Variants in PDE1C observed in about 807,000 individuals in gnomAD.
PDE1C encodes dual specificity calcium/calmodulin-dependent 3',5'-cyclic nucleotide phosphodiesterase 1C.
PDE1C carries 62 observed loss-of-function variants against 93.1 expected under a neutral mutation model. The observed-to-expected ratio is 0.67, with a 90% CI of 0.54 to 0.82. PDE1C has a LOEUF of 0.82. Ranked by LOEUF, PDE1C falls within the 40% of genes least tolerant of loss-of-function variation. The probability of loss-of-function intolerance (pLI) is 0.00; values close to 1 mark genes in which losing one functional copy is unlikely to be tolerated. For missense variants in PDE1C, 742 were observed against 884.6 expected (o/e 0.84, Z 2.04); for synonymous variants, 325 against 310.1 (o/e 1.05, Z -0.50).
chr7:31,856,192 C>T (rs1037227609), intron 7 of PDE1C, among the ~76,000 whole-genome samples: 5 of 152,110 alleles, frequency 3.3e-5, no homozygotes, highest in African/African-American at 7.2e-5. Context: ...TGATTTAAAG[C>T]GTTTTCTCCC....
At chr7:31,643,586 T>G in the PDE1C span, 1 of 1,614,014 alleles carries the variant, frequency 6.2e-7, no homozygotes, top group Non-Finnish European at 8.5e-7. Context: ...GAATGCACTG[T>G]GTGTGATCCT....
intron 7 of PDE1C, among the ~76,000 whole-genome samples, chr7:31,853,778 T>G (rs1793647475): frequency 6.6e-6 from 1 of 152,040 alleles, no homozygotes; most frequent in Non-Finnish European, 1.5e-5. Context: ...GGTGCAATCT[T>G]GGCTCACTGC....
At chr7:31,830,166 A>C (rs1790200945) in intron 11 of PDE1C, among the ~76,000 whole-genome samples, 1 of 152,094 alleles carries the variant, frequency 6.6e-6, no homozygotes, top group South Asian at 2.1e-4. Flanking sequence ...GAGGTACTTG[A>C]ATTCCCTTTG....
intron 1 of PDE1C, among the ~76,000 whole-genome samples, chr7:32,381,945 C>A (rs139695959): frequency 6.6e-6 from 1 of 152,270 alleles, no homozygotes; most frequent in East Asian, 1.9e-4. Flanking sequence ...ATTTACCAAG[C>A]ATGACCATAT....
the PDE1C span, among the ~76,000 whole-genome samples, chr7:31,640,021 T>C: frequency 6.6e-6 from 1 of 152,194 alleles, no homozygotes; most frequent in Admixed American, 6.5e-5. Context: ...AGGTGGTAGA[T>C]AGTACTATAT....
At chr7:31,881,405 T>C (rs1169344507) in intron 2 of PDE1C, among the ~76,000 whole-genome samples, 1 of 152,022 alleles carries the variant, frequency 6.6e-6, no homozygotes, top group Non-Finnish European at 1.5e-5. Flanking sequence ...AGGAGATAAA[T>C]ACCCTAGTTA....
At chr7:31,682,746 G>A in the PDE1C span, among the ~76,000 whole-genome samples, 3 of 152,134 alleles carry the variant, frequency 2.0e-5, no homozygotes, top group African/African-American at 7.2e-5. Flanking sequence ...AGATGAATGG[G>A]TTAGATAAAT....
At chr7:32,357,657 A>G (rs7791060) in intron 1 of PDE1C, among the ~76,000 whole-genome samples, 16,937 of 152,134 alleles carry the variant, frequency 0.11, 1,281 homozygotes, top group African/African-American at 0.21. Flanking sequence ...CACTGTAACA[A>G]GCCCCCGTTC....
intron 16 of PDE1C, among the ~76,000 whole-genome samples, chr7:31,796,317 A>G (rs1785304541): frequency 6.6e-6 from 1 of 151,582 alleles, no homozygotes; most frequent in Admixed American, 6.6e-5. Context: ...GTATGTGTAC[A>G]TAAGTGTGTG....
intron 3 of PDE1C, among the ~76,000 whole-genome samples, chr7:32,110,217 T>C (rs1258137909): frequency 1.3e-5 from 2 of 152,202 alleles, no homozygotes; most frequent in Non-Finnish European, 2.9e-5. Flanking sequence ...AGAGACTGTA[T>C]GTCCCAGAAA....
At chr7:32,378,798 T>C (rs964333582) in intron 1 of PDE1C, among the ~76,000 whole-genome samples, 6 of 152,020 alleles carry the variant, frequency 3.9e-5, no homozygotes, top group Admixed American at 6.6e-5. Context: ...CTACACCCCT[T>C]CCCCTTGAAA....
intron 2 of PDE1C, among the ~76,000 whole-genome samples, chr7:31,963,068 G>A (rs1809264848): frequency 6.6e-6 from 1 of 152,072 alleles, no homozygotes; most frequent in African/African-American, 2.4e-5. Flanking sequence ...TAATACAAAA[G>A]CAATGCTTTA....
chr7:32,424,109 G>C (rs1785485002), intron 1 of PDE1C, among the ~76,000 whole-genome samples: 1 of 152,194 alleles, frequency 6.6e-6, no homozygotes, highest in Admixed American at 6.5e-5. Flanking sequence ...TTTTCCACTA[G>C]TGAGATCTGA....
chr7:32,014,627 C>T (rs1170065470), intron 2 of PDE1C, among the ~76,000 whole-genome samples: 7 of 152,030 alleles, frequency 4.6e-5, no homozygotes, highest in African/African-American at 1.7e-4. Context: ...CACCTTCCGA[C>T]AGGCCCCAGT....
intron 1 of PDE1C, among the ~76,000 whole-genome samples, chr7:32,312,191 C>T (rs1187600268): frequency 6.6e-6 from 1 of 152,172 alleles, no homozygotes; most frequent in East Asian, 1.9e-4. Context: ...AGCAATCCAA[C>T]TTACAAGGGA....
At chr7:31,627,825 TA>T in the PDE1C span, among the ~76,000 whole-genome samples, 1 of 152,172 alleles carries the variant, frequency 6.6e-6, no homozygotes, top group Non-Finnish European at 1.5e-5. Context: ...AAAAGGAGAT[TA>T]ATTGGAATTA....
intron 3 of PDE1C, among the ~76,000 whole-genome samples, chr7:32,154,320 T>C (rs1801439160): frequency 6.6e-6 from 1 of 152,134 alleles, no homozygotes; most frequent in Non-Finnish European, 1.5e-5. Flanking sequence ...TAATGGAGAT[T>C]AGGCACTACA....
At position 32,366,149 on chromosome 7, in the gene PDE1C, T is replaced by C. The variant is rs1784225152; in HGVS notation, c.310+61673A>G. The stretch of plus-strand genomic sequence containing the variant: ...ATAATCTTAAGGAACCTCAGTGAGA[T>C]AGAAGAGAATACAGATAGACAATTC... On this transcript the variant is annotated intron_variant, in intron 1 of 1. Transcript: ENST00000672256. Among the ~76,000 whole-genome samples the C allele has an allele frequency of 2.0e-5, 3 of 152,200 alleles. No homozygotes were observed. The South Asian group carries it at 6.2e-4, about 32-fold the overall frequency.
chr7:32,418,960 T>A (rs1473443457), intron 1 of PDE1C, among the ~76,000 whole-genome samples: 1 of 152,200 alleles, frequency 6.6e-6, no homozygotes. Context: ...AATGGCTTCT[T>A]TTTTCCCATT....
Sources: gnomAD v4.1 joint callset for allele counts (sites outside exome capture counted in the v4.1 genomes callset) on GRCh38, gnomAD v4.1.1 for gene constraint, MANE v1.5 for transcripts, NCBI Gene and HGNC (gene_info 2026-07-23, HGNC 2026-07-21) for gene names.